Variants in KIAA0586 observed in about 807,000 individuals in gnomAD.
The protein encoded by KIAA0586 is protein TALPID3.
A neutral mutation model predicts 169.8 loss-of-function variants in KIAA0586; 144 were observed. The ratio of observed to expected loss-of-function variants is 0.85; its 90% CI spans 0.74 to 0.97. The LOEUF is 0.97. Ranked by LOEUF, KIAA0586 falls within the 50% of genes least tolerant of loss-of-function variation. The pLI is 0.00. For missense variants in KIAA0586, 1,854 were observed against 1,823.0 expected, an observed-to-expected ratio of 1.02 and a Z score of -0.31; for synonymous variants, 625 against 612.4, an observed-to-expected ratio of 1.02 and a Z score of -0.30.
chr14:58,520,607 T>G (rs2045140945), intron 29 of KIAA0586, among the ~76,000 whole-genome samples: 1 of 152,104 alleles, frequency 6.6e-6, no homozygotes, highest in Non-Finnish European at 1.5e-5. Context: ...CTGCAGCCTC[T>G]GACCTCCCGG....
intron 27 of KIAA0586, 150 bp from the exon 28 acceptor site, chr14:58,508,405 A>G: frequency 1.7e-6 from 1 of 588,416 alleles, no homozygotes. Flanking sequence ...ATTGCAGTGA[A>G]GGCTTGGTCC....
intron 27 of KIAA0586, among the ~76,000 whole-genome samples, chr14:58,506,556 G>A (rs948545708): frequency 9.9e-5 from 15 of 151,872 alleles, no homozygotes; most frequent in Admixed American, 2.0e-4. Context: ...GTGTGGTGGC[G>A]CGTGCCTGTG....
rs1748978 is a variant in KIAA0586 at position 58,457,428 on chromosome 14, T to C, written c.1363-331T>C. Reference sequence around the variant, plus strand: ...GATTACAAGGGTGTGCCACCACACCTGGCTAATTTTTGTATTTTTAGTAGA... The same window carrying C: ...GATTACAAGGGTGTGCCACCACACCCGGCTAATTTTTGTATTTTTAGTAGA... On this transcript the variant is annotated intron_variant, in intron 10 of 30. Transcript: ENST00000652326. 0.98 allele frequency among the ~76,000 whole-genome samples: 148,586 copies of C among 152,180 alleles called. 72,635 individuals are homozygous for C. Among genetic ancestry groups the C allele is most frequent in the Non-Finnish European group, 1 (67,980 of 68,018 alleles).
At chr14:58,502,856 A>G (rs1175672602) in intron 27 of KIAA0586, among the ~76,000 whole-genome samples, 3 of 152,328 alleles carry the variant, frequency 2.0e-5, no homozygotes, top group African/African-American at 7.2e-5. Context: ...TCCATAGATG[A>G]GAATCAACTA....
At chr14:58,460,607 C>T (rs2040245596) in intron 13 of KIAA0586, among the ~76,000 whole-genome samples, 1 of 152,072 alleles carries the variant, frequency 6.6e-6, no homozygotes, top group African/African-American at 2.4e-5. Context: ...TGCTCCCTTT[C>T]TGTGACATTT....
At chr14:58,442,932 C>G in intron 5 of KIAA0586, 52 bp downstream of exon 5, 1 of 1,303,536 alleles carries the variant, frequency 7.7e-7, no homozygotes, top group Non-Finnish European at 1.1e-6. Context: ...TATAGAAGTA[C>G]TTACTAAGAA....
Position 58,450,746 on chromosome 14 carries a change from G to A in KIAA0586, c.1129G>A (p.Gly377Arg), listed in dbSNP as rs748686691. Residue 377 changes from glycine (G) to arginine (R), a missense_variant and splice_region_variant, in exon 8 of 31, where the codon GGA becomes AGA. Transcript: ENST00000652326. ...AAATATGGAAGTGTCGTGTCACAGAGGTAATAGAGACTTTTACTAGACCTA... is the reference window on the plus strand; with the variant it reads ...AAATATGGAAGTGTCGTGTCACAGAAGTAATAGAGACTTTTACTAGACCTA... ...KENMEVSCHR[G>R]NVRLLEQILN... The A allele has an allele frequency of 6.3e-7, 1 of 1,584,372 alleles. No individual in the cohort carries two copies. Among genetic ancestry groups the A allele is most frequent in the South Asian group, 1.1e-5 (1 of 89,554 alleles).
chr14:58,447,357 G>C (rs532342082), intron 6 of KIAA0586, among the ~76,000 whole-genome samples: 2 of 151,884 alleles, frequency 1.3e-5, no homozygotes, highest in East Asian at 3.9e-4. Flanking sequence ...TACACCTACT[G>C]TGTACTCACA....
intron 27 of KIAA0586, among the ~76,000 whole-genome samples, chr14:58,507,358 TATATC>T (rs889312335): frequency 3.4e-5 from 5 of 145,352 alleles, no homozygotes; most frequent in South Asian, 2.1e-4. Flanking sequence ...TCATATATAA[TATATC>T]ATATATATGA....
upstream of KIAA0586, chr14:58,427,708 G>T: frequency 6.5e-7 from 1 of 1,535,160 alleles, no homozygotes; most frequent in South Asian, 1.2e-5. Context: ...GTTGACCTGC[G>T]GGCAACTGAC....
intron 9 of KIAA0586, among the ~76,000 whole-genome samples, chr14:58,455,608 A>G (rs537072855): frequency 6.6e-6 from 1 of 152,168 alleles, no homozygotes; most frequent in South Asian, 2.1e-4. Flanking sequence ...TCTGCCAGTG[A>G]TTGGAAAGAG....
Position 58,549,414 on chromosome 14 carries a change from G to C in KIAA0586, c.*1482G>C, listed in dbSNP as rs1254758387. 1.3e-5 allele frequency: 2 copies of C among 151,876 alleles called. No individual in the cohort carries two copies. Among genetic ancestry groups the C allele is most frequent in the African/African-American group, 4.8e-5 (2 of 41,318 alleles). The allele number at this position is 151,876 out of a possible 1,614,324, so 9.4% of individuals were successfully genotyped here. ...CTGAGAATTACTGAAGAGCAATTTA[G>C]AATTCCTTAAACTTCTAGTAGGAGC... On this transcript the variant is annotated 3_prime_UTR_variant, in exon 31 of 31. Transcript: ENST00000652326.
intron 20 of KIAA0586, among the ~76,000 whole-genome samples, chr14:58,482,110 C>A (rs969031833): frequency 6.6e-6 from 1 of 151,886 alleles, no homozygotes; most frequent in African/African-American, 2.4e-5. Context: ...CCGTGCCCGG[C>A]CGGCATCTCT....
At chr14:58,507,268 T>TATAAATC (rs1463406086) in intron 27 of KIAA0586, among the ~76,000 whole-genome samples, 10 of 145,808 alleles carry the variant, frequency 6.9e-5, no homozygotes, top group African/African-American at 2.3e-4. Context: ...ATGATTTATA[T>TATAAATC]ATATGTATGA....
At chr14:58,502,840 C>T (rs2043669926) in intron 27 of KIAA0586, among the ~76,000 whole-genome samples, 1 of 152,194 alleles carries the variant, frequency 6.6e-6, no homozygotes, top group Non-Finnish European at 1.5e-5. Flanking sequence ...CAGACTATAA[C>T]TGTGGTCCAT....
Position 58,428,100 on chromosome 14 carries a change from C to T in KIAA0586, c.-165C>T, listed in dbSNP as rs896021074. 1.1e-4 allele frequency: 155 copies of T among 1,459,632 alleles called. No homozygotes were observed. The African/African-American group carries it at 2.0e-3, about 19-fold the overall frequency. 90.4% of individuals were successfully genotyped at this position (1,459,632 alleles called of 1,614,324 possible). Reference sequence around the variant, plus strand: ...TGGGTAAATATGACTTTATAGTCAGCTCTAATCCTGGATTCAATATCAGAA... The same window carrying T: ...TGGGTAAATATGACTTTATAGTCAGTTCTAATCCTGGATTCAATATCAGAA... On this transcript the variant is annotated 5_prime_UTR_variant, in exon 1 of 31. Transcript: ENST00000652326.
At chr14:58,443,726 T>C (rs967406663) in intron 5 of KIAA0586, among the ~76,000 whole-genome samples, 7 of 151,754 alleles carry the variant, frequency 4.6e-5, no homozygotes, top group Non-Finnish European at 8.8e-5. Context: ...CCTGGCCAAT[T>C]TTTTTTTCTT....
intron 20 of KIAA0586, among the ~76,000 whole-genome samples, chr14:58,478,647 A>C (rs1020046674): frequency 3.3e-5 from 5 of 152,282 alleles, no homozygotes; most frequent in Admixed American, 1.3e-4. Context: ...TCACAAGTTC[A>C]CACAGCTATA....
At chr14:58,553,533 T>TG (rs1264617885), downstream of KIAA0586, among the ~76,000 whole-genome samples, 2 of 132,316 alleles carry the variant, frequency 1.5e-5, no homozygotes, top group Non-Finnish European at 3.2e-5. Flanking sequence ...CAAAAATATC[T>TG]GGGTTTTTTT....
Sources: gnomAD v4.1 joint callset for allele counts (sites outside exome capture counted in the v4.1 genomes callset) on GRCh38, gnomAD v4.1.1 for gene constraint, MANE v1.5 for transcripts, NCBI Gene and HGNC (gene_info 2026-07-23, HGNC 2026-07-21) for gene names.